LARS1: variants seen among roughly 807,000 people sequenced by gnomAD.
LARS1 encodes leucine--tRNA ligase, cytoplasmic.
A neutral mutation model predicts 162.8 loss-of-function variants in LARS1; 100 were observed. That is an observed-to-expected ratio of 0.61 (90% confidence interval 0.52 to 0.73). LARS1 has a LOEUF of 0.73. Ranked by LOEUF, LARS1 falls within the 30% of genes least tolerant of loss-of-function variation. The pLI is 0.00. For missense variants in LARS1, 1,258 were observed against 1,408.9 expected, an observed-to-expected ratio of 0.89 and a Z score of 1.71; for synonymous variants, 457 against 462.8, an observed-to-expected ratio of 0.99 and a Z score of 0.16.
chr5:146,154,684 G>A (rs1218629496), intron 10 of LARS1, among the ~76,000 whole-genome samples: 3 of 151,904 alleles, frequency 2.0e-5, no homozygotes, highest in South Asian at 2.1e-4. Context: ...AGGCTGAGGC[G>A]GGAGAATTGC....
intron 5 of LARS1, among the ~76,000 whole-genome samples, chr5:146,167,565 G>A (rs746326245): frequency 5.3e-5 from 8 of 152,102 alleles, no homozygotes; most frequent in Middle Eastern, 3.2e-3. Flanking sequence ...CACCACGCCC[G>A]GCTAATTTTT....
chr5:146,163,679 C>T (rs1753876474), intron 6 of LARS1, among the ~76,000 whole-genome samples: 2 of 152,076 alleles, frequency 1.3e-5, no homozygotes, highest in Admixed American at 6.6e-5. Context: ...GAGCGAGACT[C>T]CATCTCAAAA....
intron 19 of LARS1, 45 bp from the exon 20 acceptor site, chr5:146,143,129 AATTTCTT>A: frequency 4.8e-6 from 5 of 1,051,010 alleles, no homozygotes; most frequent in South Asian, 2.5e-5. Flanking sequence ...ATATATATGT[AATTTCTT>A]TGGAAGAATC....
chr5:146,162,269 G>A (rs1753809946), intron 6 of LARS1, among the ~76,000 whole-genome samples: 1 of 152,154 alleles, frequency 6.6e-6, no homozygotes, highest in Non-Finnish European at 1.5e-5. Flanking sequence ...TCTTAAATAA[G>A]AAGACCTACA....
chr5:146,122,014 T>C (rs1751844093), intron 30 of LARS1, among the ~76,000 whole-genome samples: 1 of 152,052 alleles, frequency 6.6e-6, no homozygotes, highest in Non-Finnish European at 1.5e-5. Flanking sequence ...CCAAAACCTT[T>C]TTGTCTTCAC....
At chr5:146,159,316 A>G in intron 8 of LARS1, 91 bp downstream of exon 8, 1 of 974,996 alleles carries the variant, frequency 1.0e-6, no homozygotes, top group South Asian at 1.4e-5. Context: ...CCTCAGCACT[A>G]CAAAGAAGTT....
At chr5:146,168,298 A>C (rs1754111618) in intron 4 of LARS1, 33 bp from the exon 5 acceptor site, 1 of 1,570,564 alleles carries the variant, frequency 6.4e-7, no homozygotes, top group Admixed American at 2.1e-5. Context: ...TGAAGTTCAA[A>C]ATCAAGGTAG....
intron 10 of LARS1, among the ~76,000 whole-genome samples, chr5:146,156,169 A>C (rs954829068): frequency 2.0e-5 from 3 of 152,364 alleles, no homozygotes; most frequent in African/African-American, 7.2e-5. Context: ...CACAAGACAC[A>C]GATATTACTA....
At chr5:146,157,999 C>T (rs1043429797) in intron 8 of LARS1, among the ~76,000 whole-genome samples, 3 of 152,052 alleles carry the variant, frequency 2.0e-5, no homozygotes, top group South Asian at 2.1e-4. Flanking sequence ...AGTAATCGCC[C>T]AAAATAGTGT....
chr5:146,131,158 CAT>C (rs368403612), intron 23 of LARS1, 49 bp from the exon 24 acceptor site: 4 of 885,918 alleles, frequency 4.5e-6, no homozygotes, highest in African/African-American at 3.5e-5. Flanking sequence ...GGCACTTATA[CAT>C]AGCTATAAAA....
chr5:146,141,311 G>A (rs936168621), intron 20 of LARS1, among the ~76,000 whole-genome samples: 9 of 151,820 alleles, frequency 5.9e-5, no homozygotes, highest in Non-Finnish European at 1.2e-4. Context: ...GACCTTCCTC[G>A]AAAAGCTATA....
intron 10 of LARS1, 110 bp from the exon 11 acceptor site, chr5:146,154,090 G>A: frequency 2.8e-6 from 2 of 707,982 alleles, no homozygotes; most frequent in Non-Finnish European, 2.4e-6. Flanking sequence ...AAAAATATAT[G>A]GAAATAAATT....
In LARS1 at chr5:146,164,177, C is replaced by T. The variant is rs569994290; in HGVS notation, c.594+133G>A. The T allele has an allele frequency of 8.3e-5, 68 of 818,978 alleles. No homozygotes were observed. In the African/African-American group the frequency reaches 1.0e-3, roughly 12 times the overall value. The allele number at this position is 818,978 out of a possible 1,614,324, so 50.7% of individuals were successfully genotyped here. On this transcript the variant is annotated intron_variant, in intron 6 of 31. Transcript: ENST00000394434. ...CTGTTGGAAAAATGGTGCCACTAGA[C>T]TTGCTCAACGCAGGGTTGCCACAAA... is the stretch of plus-strand genomic sequence containing the variant.
chr5:146,160,311 C>G, intron 7 of LARS1, 63 bp downstream of exon 7: 2 of 873,148 alleles, frequency 2.3e-6, no homozygotes, highest in Non-Finnish European at 3.4e-6. Flanking sequence ...ACTGGGATTA[C>G]AGGCGTGAGC....
intron 5 of LARS1, 112 bp downstream of exon 5, chr5:146,168,016 A>G (rs1754095340): frequency 1.1e-6 from 1 of 939,468 alleles, no homozygotes; most frequent in Admixed American, 3.1e-5. Flanking sequence ...ATACTTTAAA[A>G]AAATGATCTA....
At chr5:146,140,105 A>T (rs955748181) in intron 21 of LARS1, 99 bp downstream of exon 21, 2 of 911,418 alleles carry the variant, frequency 2.2e-6, no homozygotes, top group African/African-American at 3.3e-5. Flanking sequence ...CCACACCTGG[A>T]CACATTATTT....
Position 146,182,474 on chromosome 5 carries a change from T to C in LARS1, c.6+14A>G, listed in dbSNP as rs752579601. ...GCTCCAGGGCCCCTGCGGATTCTTC[T>C]CGCTCAAACTCACCGCCATTGCACC... is the stretch of plus-strand genomic sequence containing the variant. On this transcript the variant is annotated intron_variant, in intron 1 of 31. Coordinates refer to ENST00000394434, the MANE Select transcript of LARS1 (RefSeq NM_020117.11). The C allele has an allele frequency of 1.2e-6, 2 of 1,613,886 alleles. No individual in the cohort carries two copies. Among genetic ancestry groups the C allele is most frequent in the South Asian group, 1.1e-5 (1 of 91,076 alleles).
intron 19 of LARS1, 91 bp from the exon 20 acceptor site, chr5:146,143,175 ATCTCT>A: frequency 1.2e-6 from 1 of 831,234 alleles, no homozygotes; most frequent in Non-Finnish European, 1.7e-6. Flanking sequence ...TGGATTAGGA[ATCTCT>A]TTCTTAATGT....
intron 21 of LARS1, chr5:146,139,059 A>G: frequency 3.8e-6 from 1 of 263,814 alleles, no homozygotes; most frequent in Non-Finnish European, 7.1e-6. Flanking sequence ...AAAAAAAAAA[A>G]TGGCCGAGTG....
Sources: gnomAD v4.1 joint callset for allele counts (sites outside exome capture counted in the v4.1 genomes callset) on GRCh38, gnomAD v4.1.1 for gene constraint, MANE v1.5 for transcripts, NCBI Gene and HGNC (gene_info 2026-07-23, HGNC 2026-07-21) for gene names.